The following DLGAP2 variants were observed in gnomAD, a reference collection of about 807,000 sequenced individuals.
DLGAP2 encodes DLG associated protein 2.
Under a neutral mutation model 100.3 loss-of-function variants are expected in DLGAP2, and 26 were observed. The ratio of observed to expected loss-of-function variants is 0.26; its 90% confidence interval spans 0.19 to 0.36. The LOEUF is 0.36. Ranked by LOEUF, DLGAP2 falls within the 10% of genes least tolerant of loss-of-function variation. The probability of loss-of-function intolerance (pLI) is 1.00; values close to 1 mark genes in which losing one functional copy is unlikely to be tolerated. For synonymous variants in DLGAP2, 886 were observed against 630.1 expected (o/e 1.41, Z -6.08); for missense variants, 1,858 against 1,453.2 (o/e 1.28, Z -4.53).
At chr8:809,698 C>G (rs772117127) in intron 1 of DLGAP2, among the ~76,000 whole-genome samples, 1 of 152,142 alleles carries the variant, frequency 6.6e-6, no homozygotes, top group African/African-American at 2.4e-5. Flanking sequence ...GTGAGCTCAC[C>G]TCCTTTGAGA....
At chr8:1,519,626 C>T (rs2130410343) in intron 4 of DLGAP2, among the ~76,000 whole-genome samples, 1 of 152,328 alleles carries the variant, frequency 6.6e-6, no homozygotes, top group African/African-American at 2.4e-5. Context: ...TCCCCATGGA[C>T]ACCACCTCTT....
intron 2 of DLGAP2, among the ~76,000 whole-genome samples, chr8:1,174,057 A>C (rs1352032689): frequency 6.6e-6 from 1 of 152,152 alleles, no homozygotes; most frequent in Non-Finnish European, 1.5e-5. Flanking sequence ...TGACACAGCT[A>C]TGCCTGGGCT....
intron 2 of DLGAP2, among the ~76,000 whole-genome samples, chr8:947,108 G>T (rs1332185137): frequency 6.6e-6 from 1 of 152,168 alleles, no homozygotes; most frequent in Non-Finnish European, 1.5e-5. Context: ...CCTGGCTCCG[G>T]GTGCGCCCGC....
intron 3 of DLGAP2, among the ~76,000 whole-genome samples, chr8:1,420,015 G>A (rs1423794094): frequency 6.6e-6 from 1 of 152,206 alleles, no homozygotes; most frequent in African/African-American, 2.4e-5. Flanking sequence ...GAAATCCTTA[G>A]GGTTTTTTAT....
rs368313368 is a variant in DLGAP2, at chr8:1,295,393, C to T, written c.106+36510C>T. Among the ~76,000 whole-genome samples, 294 of 152,312 alleles carry T rather than the reference C, an allele frequency of 1.9e-3. 1 individual carries two copies. Among genetic ancestry groups the T allele is most frequent in the African/African-American group, 6.5e-3 (271 of 41,570 alleles). Reference sequence around the variant, plus strand: ...CTGCAGGCTCTGCCCTCCTTGGTGGCTCTGGAGTTCTCCCTGGGAAGCTTC... The same window carrying T: ...CTGCAGGCTCTGCCCTCCTTGGTGGTTCTGGAGTTCTCCCTGGGAAGCTTC... On this transcript the variant is annotated intron_variant, in intron 3 of 14. Coordinates refer to ENST00000637795, the MANE Select transcript of DLGAP2 (RefSeq NM_001346810.2).
intron 2 of DLGAP2, among the ~76,000 whole-genome samples, chr8:1,076,219 C>T (rs533042447): frequency 6.2e-4 from 95 of 152,294 alleles, no homozygotes; most frequent in Non-Finnish European, 1.1e-3. Flanking sequence ...ACCCCTGTGC[C>T]ACCCGCCTTC....
intron 4 of DLGAP2, among the ~76,000 whole-genome samples, chr8:1,502,428 A>G (rs900066724): frequency 2.0e-5 from 3 of 152,274 alleles, no homozygotes; most frequent in Non-Finnish European, 2.9e-5. Flanking sequence ...AAAGAAAACT[A>G]CAGCCAAAAA....
At position 1,299,981 on chromosome 8, in the gene DLGAP2, C is replaced by T. The variant is rs2116990685; in HGVS notation, c.106+41098C>T. ...CCTGGCTCCTGGGGAGGGCCTCTTCCTGGCCACCTGCTCACTGTGTCCTCA... is the reference window on the plus strand; with the variant it reads ...CCTGGCTCCTGGGGAGGGCCTCTTCTTGGCCACCTGCTCACTGTGTCCTCA... On this transcript the variant is annotated intron_variant, in intron 3 of 14. Coordinates refer to ENST00000637795, the MANE Select transcript of DLGAP2 (RefSeq NM_001346810.2). 3 of 152,334 alleles carry T rather than the reference C, an allele frequency of 2.0e-5. 1 individual carries two copies. The highest frequency in any genetic ancestry group is 2.0e-4 in the Admixed American group (3 of 15,314). The allele number at this position is 152,334 out of a possible 1,614,324, so 9.4% of individuals were successfully genotyped here.
chr8:1,113,557 G>A (rs1805025734), intron 2 of DLGAP2, among the ~76,000 whole-genome samples: 1 of 152,172 alleles, frequency 6.6e-6, no homozygotes, highest in African/African-American at 2.4e-5. Context: ...TTTGTATCCT[G>A]CAACTCTGGT....
chr8:1,060,629 C>T (rs908094835), intron 2 of DLGAP2, among the ~76,000 whole-genome samples: 9 of 152,210 alleles, frequency 5.9e-5, no homozygotes, highest in Non-Finnish European at 1.0e-4. Flanking sequence ...ACCTCATTCC[C>T]GAGTAAGATC....
chr8:1,039,997 AGTTTCCGTGGTCAGCTCG>A (rs879586513), intron 2 of DLGAP2, among the ~76,000 whole-genome samples: 4,501 of 43,620 alleles, frequency 0.1, 110 homozygotes, highest in Non-Finnish European at 0.13. Context: ...TGGTCTGCTC[AGTTTCCGTGGTCAGCTCG>A]GTTTCCGTGG....
chr8:1,565,956 C>A lies in DLGAP2; in HGVS notation c.1442+62C>A. 4 of 1,426,380 alleles carry A rather than the reference C, an allele frequency of 2.8e-6. 1 individual carries two copies. The highest frequency in any genetic ancestry group is 1.9e-6 in the Non-Finnish European group (2 of 1,057,912). 88.4% of individuals were successfully genotyped at this position (1,426,380 alleles called of 1,614,324 possible). ...TTCCCACTGCCTGCGAGCTCCCTCT[C>A]CAAAACCACTTCACCGTGAGCTGAG... On this transcript the variant is annotated intron_variant, in intron 6 of 14. Transcript: ENST00000637795.
intron 3 of DLGAP2, among the ~76,000 whole-genome samples, chr8:1,321,075 G>A (rs532766794): frequency 2.0e-5 from 3 of 151,732 alleles, no homozygotes; most frequent in Admixed American, 2.0e-4. Flanking sequence ...ATGCATCTGT[G>A]TGCCTCTGTG....
chr8:1,068,047 G>A (rs1245977777), intron 2 of DLGAP2, among the ~76,000 whole-genome samples: 1 of 152,132 alleles, frequency 6.6e-6, no homozygotes, highest in African/African-American at 2.4e-5. Flanking sequence ...TTTATTTGAT[G>A]GGAACCACAG....
At chr8:822,907 G>C (rs948433620) in intron 1 of DLGAP2, among the ~76,000 whole-genome samples, 1 of 152,166 alleles carries the variant, frequency 6.6e-6, no homozygotes, top group Non-Finnish European at 1.5e-5. Context: ...GGAGAGGAGG[G>C]TTTTGTCAGT....
At chr8:1,181,766 C>A (rs1037326693) in intron 2 of DLGAP2, among the ~76,000 whole-genome samples, 1 of 152,132 alleles carries the variant, frequency 6.6e-6, no homozygotes, top group Admixed American at 6.5e-5. Context: ...GCTCCCCAGG[C>A]TGGGCTAGGG....
chr8:916,533 G>A (rs924118872), intron 2 of DLGAP2, among the ~76,000 whole-genome samples: 6 of 152,176 alleles, frequency 3.9e-5, no homozygotes, highest in Middle Eastern at 3.2e-3. Flanking sequence ...TTGAGGGATA[G>A]CATTAGGAGA....
rs1351192829 is a variant in DLGAP2 at position 1,704,117 on chromosome 8, A to T, written c.*2711A>T. On this transcript the variant is annotated 3_prime_UTR_variant, in exon 15 of 15. Coordinates refer to ENST00000637795, the MANE Select transcript of DLGAP2 (RefSeq NM_001346810.2). ...TAAAACTGTTTATGATACTTGTGTT[A>T]GTCACTCGAGCTAGCTTATTTCAGC... is the stretch of plus-strand genomic sequence containing the variant. The T allele has an allele frequency of 6.6e-6, 1 of 152,664 alleles. No individual in the cohort carries two copies. Among genetic ancestry groups the T allele is most frequent in the Non-Finnish European group, 1.5e-5 (1 of 68,044 alleles). 9.5% of individuals were successfully genotyped at this position (152,664 alleles called of 1,614,324 possible). A position where few individuals can be genotyped will look rare whatever the true frequency, so the allele number is the denominator to read the frequency against.
chr8:1,008,254 C>G (rs1021569778), intron 2 of DLGAP2, among the ~76,000 whole-genome samples: 4 of 152,106 alleles, frequency 2.6e-5, no homozygotes, highest in Non-Finnish European at 2.9e-5. Context: ...CAAAAACAGG[C>G]CATTTGAAAA....
Sources: gnomAD v4.1 joint callset for allele counts (sites outside exome capture counted in the v4.1 genomes callset) on GRCh38, gnomAD v4.1.1 for gene constraint, MANE v1.5 for transcripts, NCBI Gene and HGNC (gene_info 2026-07-23, HGNC 2026-07-21) for gene names.